The following GPR39 variants were observed in gnomAD, a reference collection of about 807,000 sequenced individuals.
The protein encoded by GPR39 is G protein-coupled receptor 39.
Under a neutral mutation model 18.4 loss-of-function variants are expected in GPR39, and 23 were observed. The observed-to-expected ratio is 1.25, with a 90% CI of 0.90 to 1.77. The LOEUF (loss-of-function observed/expected upper bound fraction) is 1.77. Among genes scored for constraint, GPR39 ranks in the 40% most tolerant of loss-of-function variants. GPR39 has a pLI of 0.00. For synonymous variants in GPR39, 280 were observed against 257.9 expected (o/e 1.09, Z -0.82); for missense variants, 647 against 602.4 (o/e 1.07, Z -0.78).
chr2:132,473,407 A>T (rs1477200550), intron 1 of GPR39, among the ~76,000 whole-genome samples: 1 of 152,196 alleles, frequency 6.6e-6, no homozygotes, highest in Non-Finnish European at 1.5e-5. Context: ...GACCCATGTG[A>T]TGTTCTGCAG....
intron 1 of GPR39, among the ~76,000 whole-genome samples, chr2:132,492,918 CAT>C (rs1469832687): frequency 7.4e-4 from 98 of 131,646 alleles, no homozygotes; most frequent in Admixed American, 6.4e-3. Context: ...CACCATATAC[CAT>C]ATATATACAC....
intron 1 of GPR39, among the ~76,000 whole-genome samples, chr2:132,603,544 A>G (rs1681082583): frequency 6.6e-6 from 1 of 152,208 alleles, no homozygotes; most frequent in Non-Finnish European, 1.5e-5. Context: ...ACACAAAGAA[A>G]TGAGAAATGT....
At position 132,456,287 on chromosome 2, in the gene GPR39, T is replaced by C. The variant is rs190077468; in HGVS notation, c.856+38389T>C. 3.1e-3 allele frequency among the ~76,000 whole-genome samples: 436 copies of C among 141,530 alleles called. 2 individuals are homozygous for C. Among genetic ancestry groups the C allele is most frequent in the African/African-American group, 0.011 (431 of 38,280 alleles). 92.8% of individuals were successfully genotyped at this position (141,530 alleles called of 152,430 possible). The stretch of plus-strand genomic sequence containing the variant: ...GTTTAAAGTCTGTTTTATCAGAGAT[T>C]AGGATTGCAACCCCTGCTTTTTTTT... On this transcript the variant is annotated intron_variant, in intron 1 of 1. Transcript: ENST00000329321.
intron 1 of GPR39, among the ~76,000 whole-genome samples, chr2:132,550,948 G>A (rs979559623): frequency 1.4e-4 from 22 of 152,314 alleles, no homozygotes; most frequent in Admixed American, 5.9e-4. Context: ...ACCTACTATA[G>A]TAGTTTCTTG....
At chr2:132,540,217 A>C (rs182318615) in intron 1 of GPR39, among the ~76,000 whole-genome samples, 3 of 151,620 alleles carry the variant, frequency 2.0e-5, no homozygotes. Context: ...GCAAAATATA[A>C]AACTTAAAAT....
At chr2:132,619,858 G>C (rs12471055) in intron 1 of GPR39, among the ~76,000 whole-genome samples, 14,006 of 92,258 alleles carry the variant, frequency 0.15, 805 homozygotes, top group East Asian at 0.29. Flanking sequence ...CACACACACA[G>C]ACACACACAC....
intron 1 of GPR39, among the ~76,000 whole-genome samples, chr2:132,533,666 G>C (rs1159686709): frequency 1.3e-5 from 2 of 152,100 alleles, no homozygotes; most frequent in Non-Finnish European, 2.9e-5. Context: ...CAATGGAACA[G>C]AACAGAGCTG....
chr2:132,540,860 A>G (rs1679849349), intron 1 of GPR39, among the ~76,000 whole-genome samples: 1 of 152,034 alleles, frequency 6.6e-6, no homozygotes, highest in Non-Finnish European at 1.5e-5. Flanking sequence ...CCTCCAGATG[A>G]GCTGCTTTTG....
At chr2:132,429,046 C>G (rs917227694) in intron 1 of GPR39, among the ~76,000 whole-genome samples, 1 of 152,186 alleles carries the variant, frequency 6.6e-6, no homozygotes, top group Non-Finnish European at 1.5e-5. Flanking sequence ...CAATTCTGCT[C>G]TATGATTTTG....
Position 132,417,856 on chromosome 2 carries a change from G to C in GPR39, c.814G>C (p.Glu272Gln). Residue 272 changes from glutamate to glutamine, a missense_variant, in exon 1 of 2, where the codon GAA becomes CAA. Glu to Gln is a conservative substitution (Grantham distance 29). Coordinates refer to ENST00000329321, the MANE Select transcript of GPR39 (RefSeq NM_001508.3). Reference sequence around the variant, plus strand: ...TCCGCAGCTGAGGAAGTCCGAGAGCGAAGAGAGCAGGACCGCCAGGAGGCA... The same window carrying C: ...TCCGCAGCTGAGGAAGTCCGAGAGCCAAGAGAGCAGGACCGCCAGGAGGCA... ...RPPQLRKSES[E>Q]ESRTARRQTI... 2 of 1,609,700 alleles carry C rather than the reference G, an allele frequency of 1.2e-6. No homozygotes were observed. The highest frequency in any genetic ancestry group is 1.7e-4 in the Middle Eastern group (1 of 6,052).
At chr2:132,424,904 C>T (rs945869406) in intron 1 of GPR39, among the ~76,000 whole-genome samples, 23 of 152,152 alleles carry the variant, frequency 1.5e-4, no homozygotes, top group Non-Finnish European at 2.8e-4. Flanking sequence ...TTGCTGCTGC[C>T]ACTGTCCTCC....
At chr2:132,453,577 T>C (rs1291782310) in intron 1 of GPR39, among the ~76,000 whole-genome samples, 1 of 152,200 alleles carries the variant, frequency 6.6e-6, no homozygotes, top group Admixed American at 6.5e-5. Context: ...CTGAATGATA[T>C]TCCCTAGGTT....
chr2:132,552,887 C>CATATATAT (rs1558836952), intron 1 of GPR39, among the ~76,000 whole-genome samples: 7 of 99,058 alleles, frequency 7.1e-5, no homozygotes, highest in East Asian at 3.4e-4. Flanking sequence ...TATATATATA[C>CATATATAT]ACACATATAT....
intron 1 of GPR39, among the ~76,000 whole-genome samples, chr2:132,559,180 G>C (rs1369438255): frequency 6.6e-6 from 1 of 152,138 alleles, no homozygotes; most frequent in Non-Finnish European, 1.5e-5. Context: ...TTTCTTTGTA[G>C]CCACTTAGGA....
At chr2:132,559,356 G>T (rs1056534685) in intron 1 of GPR39, among the ~76,000 whole-genome samples, 1 of 152,058 alleles carries the variant, frequency 6.6e-6, no homozygotes, top group African/African-American at 2.4e-5. Flanking sequence ...AGGTGTTTGG[G>T]GCTTGAATTA....
intron 1 of GPR39, among the ~76,000 whole-genome samples, chr2:132,483,828 T>TA (rs371855708): frequency 1.1e-4 from 16 of 151,230 alleles, no homozygotes; most frequent in East Asian, 5.8e-4. Flanking sequence ...CAGGTCCTAC[T>TA]AAAAAAAAAT....
At chr2:132,530,164 C>A (rs1679588777) in intron 1 of GPR39, among the ~76,000 whole-genome samples, 1 of 151,988 alleles carries the variant, frequency 6.6e-6, no homozygotes, top group South Asian at 2.1e-4. Context: ...CCTTAAAGGA[C>A]CTGATGGAGC....
chr2:132,449,068 T>A (rs965219502), intron 1 of GPR39, among the ~76,000 whole-genome samples: 1 of 152,216 alleles, frequency 6.6e-6, no homozygotes, highest in African/African-American at 2.4e-5. Flanking sequence ...GAGCTGAGCA[T>A]TGGAGAATAG....
intron 1 of GPR39, among the ~76,000 whole-genome samples, chr2:132,468,786 C>CT (rs1374137515): frequency 6.6e-6 from 1 of 152,076 alleles, no homozygotes; most frequent in African/African-American, 2.4e-5. Context: ...GTTATGAAGG[C>CT]TGAAAGTAGG....
Sources: gnomAD v4.1 joint callset for allele counts (sites outside exome capture counted in the v4.1 genomes callset) on GRCh38, gnomAD v4.1.1 for gene constraint, MANE v1.5 for transcripts, NCBI Gene and HGNC (gene_info 2026-07-23, HGNC 2026-07-21) for gene names.